Variants in PDGFRA observed in about 807,000 individuals in gnomAD.
PDGFRA encodes platelet derived growth factor receptor alpha.
A neutral mutation model predicts 121.5 loss-of-function variants in PDGFRA; 25 were observed. The ratio of observed to expected loss-of-function variants is 0.21; its 90% CI spans 0.15 to 0.29. The LOEUF is 0.29. Among genes scored for constraint, PDGFRA ranks in the 10% least tolerant of loss-of-function variants. PDGFRA has a pLI of 1.00. For synonymous variants in PDGFRA, 463 were observed against 494.8 expected (o/e 0.94, Z 0.85); for missense variants, 1,008 against 1,345.1 (o/e 0.75, Z 3.92).
intron 2 of PDGFRA, 86 bp from the exon 3 acceptor site, chr4:54,261,008 TA>T: frequency 8.3e-7 from 1 of 1,199,030 alleles, no homozygotes; most frequent in Non-Finnish European, 1.2e-6. Flanking sequence ...ATTGTTCATC[TA>T]AGCTGCTACT....
chr4:54,233,148 C>T (rs558093178), intron 1 of PDGFRA, among the ~76,000 whole-genome samples: 24 of 151,570 alleles, frequency 1.6e-4, no homozygotes, highest in South Asian at 4.2e-4. Flanking sequence ...GCGCAGCGGC[C>T]TCTGCAGCTC....
chr4:54,297,442 A>G lies in PDGFRA; in HGVS notation c.*2170A>G, dbSNP rs1724929872. ...AACCTGACTAGGTTCTGTAGAGCCA[A>G]TTAGACTTGAAATACGTTTGTGTTT... is the stretch of plus-strand genomic sequence containing the variant. On this transcript the variant is annotated 3_prime_UTR_variant, in exon 23 of 23. Coordinates refer to ENST00000257290, the MANE Select transcript of PDGFRA (RefSeq NM_006206.6). 8.6e-6 allele frequency: 2 copies of G among 233,638 alleles called. No individual in the cohort carries two copies. Among genetic ancestry groups the G allele is most frequent in the Non-Finnish European group, 1.7e-5 (2 of 118,080 alleles). 14.5% of individuals were successfully genotyped at this position (233,638 alleles called of 1,614,324 possible).
Position 54,285,494 on chromosome 4 carries a change from C to G in PDGFRA, c.2439+8C>G, listed in dbSNP as rs2110336243. The G allele has an allele frequency of 8.3e-7, 1 of 1,197,930 alleles. No homozygotes were observed. Among genetic ancestry groups the G allele is most frequent in the Non-Finnish European group, 1.3e-6 (1 of 799,890 alleles). 74.2% of individuals were successfully genotyped at this position (1,197,930 alleles called of 1,614,324 possible). A position where few individuals can be genotyped will look rare whatever the true frequency, so the allele number is the denominator to read the frequency against. On this transcript the variant is annotated splice_region_variant and intron_variant, in intron 17 of 22. Coordinates refer to ENST00000257290, the MANE Select transcript of PDGFRA (RefSeq NM_006206.6). ...TTTTTGGCTTCAAAAAATGTAAGTT[C>G]AAGGAACACAGACCTTTTTAGACCC... is the stretch of plus-strand genomic sequence containing the variant.
intron 21 of PDGFRA, 143 bp downstream of exon 21, chr4:54,289,257 T>G: frequency 1.4e-6 from 1 of 702,964 alleles, no homozygotes; most frequent in Non-Finnish European, 2.6e-6. Context: ...ATGGCGGTGC[T>G]CCACGAGACC....
intron 15 of PDGFRA, among the ~76,000 whole-genome samples, chr4:54,280,046 G>A (rs1295293531): frequency 6.6e-6 from 1 of 152,146 alleles, no homozygotes; most frequent in East Asian, 1.9e-4. Context: ...ATAAACATGT[G>A]TGTGCAAGTA....
At position 54,267,470 on chromosome 4, in the gene PDGFRA, G is replaced by T; in HGVS notation, c.931+10G>T. 6.2e-7 allele frequency: 1 copy of T among 1,613,982 alleles called. No homozygotes were observed. The highest frequency in any genetic ancestry group is 8.5e-7 in the Non-Finnish European group (1 of 1,179,908). The stretch of plus-strand genomic sequence containing the variant: ...ACTATTTCTGTCCATGGTACATTCC[G>T]CTTTCTAAAATGTCAGTTGTCCATG... On this transcript the variant is annotated intron_variant, in intron 6 of 22. Coordinates refer to ENST00000257290, the MANE Select transcript of PDGFRA (RefSeq NM_006206.6).
chr4:54,276,379 T>A (rs1160650939), intron 12 of PDGFRA, among the ~76,000 whole-genome samples: 1 of 152,224 alleles, frequency 6.6e-6, no homozygotes, highest in Non-Finnish European at 1.5e-5. Context: ...CAGCTGGCTC[T>A]GTGTGAATTA....
intron 22 of PDGFRA, among the ~76,000 whole-genome samples, chr4:54,293,480 G>C (rs1186254402): frequency 6.8e-6 from 1 of 147,478 alleles, no homozygotes; most frequent in South Asian, 2.2e-4. Context: ...ACCCAGGCTG[G>C]AGTGCAGTGG....
Position 54,295,286 on chromosome 4 carries a change from G to A in PDGFRA, c.*14G>A. 1 of 1,613,880 alleles carries A rather than the reference G, an allele frequency of 6.2e-7. No homozygotes were observed. Among genetic ancestry groups the A allele is most frequent in the Non-Finnish European group, 8.5e-7 (1 of 1,179,878 alleles). On this transcript the variant is annotated 3_prime_UTR_variant, in exon 23 of 23. Transcript: ENST00000257290. ...AGCTTCCTGTAACTGGCGGATTCGA[G>A]GGGTTCCTTCCACTTCTGGGGCCAC... is the stretch of plus-strand genomic sequence containing the variant.
At chr4:54,245,872 T>A (rs1721624772) in intron 1 of PDGFRA, among the ~76,000 whole-genome samples, 1 of 151,920 alleles carries the variant, frequency 6.6e-6, no homozygotes, top group Non-Finnish European at 1.5e-5. Context: ...GAGGAAGATC[T>A]ACCAAGCAAA....
intron 1 of PDGFRA, among the ~76,000 whole-genome samples, chr4:54,251,762 T>C (rs1426351233): frequency 6.6e-6 from 1 of 152,206 alleles, no homozygotes; most frequent in Non-Finnish European, 1.5e-5. Flanking sequence ...ACCCAACTTA[T>C]ACAGGTATTT....
chr4:54,273,422 C>G (rs1723512567), intron 9 of PDGFRA, 115 bp from the exon 10 acceptor site: 1 of 803,540 alleles, frequency 1.2e-6, no homozygotes, highest in Admixed American at 1.8e-5. Flanking sequence ...GTGTGTATTG[C>G]CCCGAAATGC....
At chr4:54,266,810 G>C (rs975137013) in intron 5 of PDGFRA, among the ~76,000 whole-genome samples, 1 of 151,912 alleles carries the variant, frequency 6.6e-6, no homozygotes, top group Non-Finnish European at 1.5e-5. Flanking sequence ...TCAAGACTCC[G>C]TCTCTACAAA....
intron 4 of PDGFRA, 24 bp downstream of exon 4, chr4:54,263,951 C>G: frequency 1.9e-6 from 3 of 1,606,730 alleles, no homozygotes; most frequent in South Asian, 1.1e-5. Context: ...CTCCTTCCTT[C>G]TTTAAATAAG....
chr4:54,282,720 A>C (rs1398673642), intron 16 of PDGFRA, among the ~76,000 whole-genome samples: 2 of 152,210 alleles, frequency 1.3e-5, no homozygotes, highest in Admixed American at 6.5e-5. Context: ...TCATTCCAGC[A>C]TCAACTCAAA....
chr4:54,253,145 G>A (rs904442327), intron 1 of PDGFRA, among the ~76,000 whole-genome samples: 4 of 152,194 alleles, frequency 2.6e-5, no homozygotes, highest in African/African-American at 9.7e-5. Flanking sequence ...CCAAGAGGTA[G>A]GAAGTGCAGG....
At chr4:54,288,689 T>A in intron 19 of PDGFRA, 110 bp from the exon 20 acceptor site, 1 of 770,122 alleles carries the variant, frequency 1.3e-6, no homozygotes, top group Non-Finnish European at 2.4e-6. Context: ...AAACCAGTGC[T>A]TCAAGGCTAT....
In PDGFRA at chr4:54,297,496, A is replaced by C. The variant is rs1043113406; in HGVS notation, c.*2224A>C. Reference sequence around the variant, plus strand: ...GAATCACAGCTCAAGCATTCTGTTTATCGCTCACTCTCCCTTGTACAGCCT... The same window carrying C: ...GAATCACAGCTCAAGCATTCTGTTTCTCGCTCACTCTCCCTTGTACAGCCT... On this transcript the variant is annotated 3_prime_UTR_variant, in exon 23 of 23. Coordinates refer to ENST00000257290, the MANE Select transcript of PDGFRA (RefSeq NM_006206.6). 1 of 233,738 alleles carries C rather than the reference A, an allele frequency of 4.3e-6. No individual in the cohort carries two copies. Among genetic ancestry groups the C allele is most frequent in the Non-Finnish European group, 8.5e-6 (1 of 118,058 alleles). 14.5% of individuals were successfully genotyped at this position (233,738 alleles called of 1,614,324 possible).
At position 54,288,880 on chromosome 4, in the gene PDGFRA, A is replaced by G. The variant is rs1245859165; in HGVS notation, c.2756A>G (p.Asp919Gly). ...IKSGYRMAKP[D>G]HATSEVYEIM... ...AGTGGGTACCGGATGGCCAAGCCTG[A>G]CCACGCTACCAGTGAAGTGTGAGCT... Residue 919 changes from aspartate to glycine, a missense_variant, in exon 20 of 23, where the codon GAC (aspartate) becomes GGC (glycine). This residue lies in a region of PDGFRA where 204 missense variants were observed against 243.0 expected (regional missense o/e 0.84). Transcript: ENST00000257290. The G allele has an allele frequency of 6.2e-7, 1 of 1,608,310 alleles. No homozygotes were observed. The highest frequency in any genetic ancestry group is 2.2e-5 in the East Asian group (1 of 44,860).
Sources: allele counts gnomAD v4.1 joint callset (sites outside exome capture counted in the v4.1 genomes callset), GRCh38; gene constraint gnomAD v4.1.1; regional missense constraint gnomAD v4.1.1; transcripts MANE v1.5; gene names NCBI Gene and HGNC (gene_info 2026-07-23, HGNC 2026-07-21).